The following DHX29 variants were observed in gnomAD, a reference collection of about 807,000 sequenced individuals.
DHX29 encodes the protein DExH-box helicase 29.
A neutral mutation model predicts 167.9 loss-of-function variants in DHX29; 79 were observed. The observed-to-expected ratio is 0.47, with a 90% CI of 0.39 to 0.57. The LOEUF is 0.57. Among genes scored for constraint, DHX29 ranks in the 20% least tolerant of loss-of-function variants. DHX29 has a pLI of 0.00. For missense variants in DHX29, 1,347 were observed against 1,593.4 expected (o/e 0.85, Z 2.63); for synonymous variants, 530 against 546.0 (o/e 0.97, Z 0.41).
Position 55,295,405 on chromosome 5 carries a change from T to A in DHX29, c.625A>T (p.Thr209Ser). Reference sequence around the variant, plus strand: ...TTACTCTTAGGGTCCTCTTCATATGTTTTTGTTTTAGGTTGCAATGGAGGT... The same window carrying A: ...TTACTCTTAGGGTCCTCTTCATATGATTTTGTTTTAGGTTGCAATGGAGGT... ...ISPPLQPKTK[T>S]YEEDPKSKPK... The change falls in exon 5 of 27, where the codon ACA (threonine) becomes TCA (serine). Residue 209 changes from threonine to serine, a missense_variant. Around this residue, in one of 3 missense-constraint regions of DHX29, gnomAD observed 405 missense variants for 416.8 expected, o/e 0.97. Coordinates refer to ENST00000251636, the MANE Select transcript of DHX29 (RefSeq NM_019030.4). The A allele has an allele frequency of 6.2e-7, 1 of 1,613,084 alleles. No homozygotes were observed. Among genetic ancestry groups the A allele is most frequent in the Non-Finnish European group, 8.5e-7 (1 of 1,179,102 alleles).
chr5:55,276,590 G>A (rs1747128800), intron 13 of DHX29, among the ~76,000 whole-genome samples, 184 bp from the exon 14 acceptor site: 1 of 152,126 alleles, frequency 6.6e-6, no homozygotes, highest in Admixed American at 6.6e-5. Flanking sequence ...TGCCTCTAAA[G>A]TCTCAGGACA....
chr5:55,304,309 CT>C (rs397882409), intron 1 of DHX29, among the ~76,000 whole-genome samples: 5,329 of 112,588 alleles, frequency 0.047, 88 homozygotes, highest in African/African-American at 0.11. Context: ...TCAAATGTCA[CT>C]TTTTTTTTTT....
intron 1 of DHX29, among the ~76,000 whole-genome samples, chr5:55,301,632 G>T (rs1395470845): frequency 7.0e-6 from 1 of 143,170 alleles, no homozygotes; most frequent in Non-Finnish European, 1.5e-5. Flanking sequence ...AGAATCGCTT[G>T]AACTCAGAAG....
At position 55,297,389 on chromosome 5, in the gene DHX29, T is replaced by G; in HGVS notation, c.271A>C (p.Asn91His). The stretch of plus-strand genomic sequence containing the variant: ...ATAATTCTTTGCTCTAGTTTGTTAT[T>G]AATTACCACCTGTTGAGGCCAAAAA... Reference protein sequence around the residue: ...LDKSILKVVINNKLEQRIIGV... With the variant: ...LDKSILKVVIHNKLEQRIIGV... Residue 91 changes from asparagine to histidine, a missense_variant, in exon 3 of 27, where the codon AAT (asparagine) becomes CAT (histidine). Physicochemically the swap from Asn to His is moderately conservative, Grantham distance 68. Around this residue, in one of 3 missense-constraint regions of DHX29, gnomAD observed 405 missense variants for 416.8 expected, o/e 0.97. Transcript: ENST00000251636. 1 of 1,404,710 alleles carries G rather than the reference T, an allele frequency of 7.1e-7. No individual in the cohort carries two copies. Among genetic ancestry groups the G allele is most frequent in the Non-Finnish European group, 1.0e-6 (1 of 994,102 alleles). The allele number at this position is 1,404,710 out of a possible 1,614,324, so 87.0% of individuals were successfully genotyped here.
At position 55,274,209 on chromosome 5, in the gene DHX29, C is replaced by G. The variant is rs149174033; in HGVS notation, c.2690+405G>C. On this transcript the variant is annotated intron_variant, in intron 16 of 26. Transcript: ENST00000251636. ...AAGAGTTTGAGGCCAGCCTGGGCAA[C>G]AGGGGGAGACCTTGTCTCTATGAAA... Among the ~76,000 whole-genome samples the G allele has an allele frequency of 1.4e-3, 211 of 151,706 alleles. 2 individuals carry two copies. The Middle Eastern group carries it at 0.024, about 17-fold the overall frequency.
Position 55,262,782 on chromosome 5 carries a change from C to A in DHX29, c.3676G>T (p.Asp1226Tyr). Residue 1226 changes from aspartate to tyrosine, a missense_variant, in exon 24 of 27, where the codon GAC (aspartate) becomes TAC (tyrosine). Coordinates refer to ENST00000251636, the MANE Select transcript of DHX29 (RefSeq NM_019030.4). Reference sequence around the variant, plus strand: ...GTATAGATTATCTTCCCCACATTGTCATACAGTCCAGCCACCAGTACAGCT... The same window carrying A: ...GTATAGATTATCTTCCCCACATTGTAATACAGTCCAGCCACCAGTACAGCT... Reference protein sequence around the residue: ...LKAVLVAGLYDNVGKIIYTKS... With the variant: ...LKAVLVAGLYYNVGKIIYTKS... 1 of 1,614,078 alleles carries A rather than the reference C, an allele frequency of 6.2e-7. No homozygotes were observed. Among genetic ancestry groups the A allele is most frequent in the Non-Finnish European group, 8.5e-7 (1 of 1,179,994 alleles).
In DHX29 at chr5:55,273,307, G is replaced by C. The variant is rs763673603; in HGVS notation, c.2761C>G (p.Pro921Ala). Residue 921 changes from proline (P) to alanine (A), a missense_variant, in exon 17 of 27, where the codon CCA (proline) becomes GCA (alanine). By Grantham distance (27) the Pro-to-Ala change is conservative (BLOSUM62 -1). This residue lies in a region of DHX29 where 882 missense variants were observed against 1,082.4 expected (regional missense o/e 0.81). Coordinates refer to ENST00000251636, the MANE Select transcript of DHX29 (RefSeq NM_019030.4). ...CTAAATTTTACCTTCCTGACTCCTGGAGGGGGAAGTGTGAATGCTGCAGCT... is the reference window on the plus strand; with the variant it reads ...CTAAATTTTACCTTCCTGACTCCTGCAGGGGGAAGTGTGAATGCTGCAGCT... The part of the protein sequence containing the change: ...DQAAAFTLPP[P>A]GVRKIVLATN... 6.3e-7 allele frequency: 1 copy of C among 1,597,504 alleles called. No homozygotes were observed. Among genetic ancestry groups the C allele is most frequent in the African/African-American group, 1.3e-5 (1 of 74,688 alleles).
chr5:55,269,746 G>A (rs1450936263), intron 20 of DHX29, 109 bp from the exon 21 acceptor site: 1 of 850,400 alleles, frequency 1.2e-6, no homozygotes, highest in African/African-American at 1.7e-5. Flanking sequence ...GAGCAAAGAG[G>A]GTAAAATGTG....
At chr5:55,281,062 TACAC>T (rs144186039) in intron 12 of DHX29, among the ~76,000 whole-genome samples, 12 of 142,422 alleles carry the variant, frequency 8.4e-5, no homozygotes, top group African/African-American at 1.1e-4. Flanking sequence ...TATATGTATA[TACAC>T]ACACACACAC....
intron 16 of DHX29, among the ~76,000 whole-genome samples, chr5:55,273,628 T>C (rs1217974559): frequency 2.0e-5 from 3 of 152,180 alleles, no homozygotes; most frequent in Non-Finnish European, 4.4e-5. Flanking sequence ...GTTTATATGG[T>C]TTACTACAGT....
Position 55,291,789 on chromosome 5 carries a change from T to C in DHX29, c.781-1445A>G, listed in dbSNP as rs113172156. Among the ~76,000 whole-genome samples, 362 of 152,352 alleles carry C rather than the reference T, an allele frequency of 2.4e-3. 2 individuals are homozygous for C. In the Middle Eastern group the frequency reaches 0.024, roughly 10 times the overall value. ...CATATGGTATCTGTCTTTTTGTGAT[T>C]GGCATATTTCACTTAGCATAATGTC... On this transcript the variant is annotated intron_variant, in intron 6 of 26. Coordinates refer to ENST00000251636, the MANE Select transcript of DHX29 (RefSeq NM_019030.4).
chr5:55,259,465 CTTTTT>C (rs993839191), intron 26 of DHX29, among the ~76,000 whole-genome samples: 2 of 151,536 alleles, frequency 1.3e-5, no homozygotes, highest in Non-Finnish European at 2.9e-5. Flanking sequence ...TTCTTTTTTT[CTTTTT>C]TGAGATGGAG....
At chr5:55,298,535 T>G (rs1407412883) in intron 2 of DHX29, 56 bp downstream of exon 2, 1 of 1,074,086 alleles carries the variant, frequency 9.3e-7, no homozygotes, top group South Asian at 1.3e-5. Flanking sequence ...ACATCTTTTT[T>G]GGGGGAAAAA....
chr5:55,261,553 T>A, intron 24 of DHX29, 54 bp from the exon 25 acceptor site: 4 of 1,104,326 alleles, frequency 3.6e-6, no homozygotes, highest in Non-Finnish European at 5.3e-6. Context: ...TAGAAGGAGG[T>A]CATTTATCTT....
intron 14 of DHX29, among the ~76,000 whole-genome samples, chr5:55,275,253 T>TAA (rs1747050457): frequency 1.3e-5 from 2 of 152,176 alleles, no homozygotes; most frequent in Non-Finnish European, 2.9e-5. Context: ...CCTTTTTATC[T>TAA]TGGCATATAC....
chr5:55,293,799 T>C (rs911703017), intron 6 of DHX29, among the ~76,000 whole-genome samples: 1 of 152,188 alleles, frequency 6.6e-6, no homozygotes, highest in Non-Finnish European at 1.5e-5. Flanking sequence ...TTAAAATATT[T>C]GATGATTATC....
chr5:55,266,636 CTTT>C (rs1746590975), intron 23 of DHX29, among the ~76,000 whole-genome samples: 1 of 144,980 alleles, frequency 6.9e-6, no homozygotes, highest in Non-Finnish European at 1.5e-5. Context: ...TCTTTTCTTT[CTTT>C]TTTAAAAGAG....
At chr5:55,273,207 A>T (rs1266723315) in intron 17 of DHX29, 86 bp downstream of exon 17, 2 of 1,383,934 alleles carry the variant, frequency 1.4e-6, no homozygotes, top group Non-Finnish European at 1.9e-6. Flanking sequence ...TAATGTTAAC[A>T]ACTGTCTTTG....
At chr5:55,295,626 C>T (rs770494155) in intron 4 of DHX29, 102 bp from the exon 5 acceptor site, 21 of 1,195,422 alleles carry the variant, frequency 1.8e-5, no homozygotes, top group Non-Finnish European at 2.4e-5. Flanking sequence ...ACTTAGAGCA[C>T]CTAATTTTCT....
Sources: allele counts gnomAD v4.1 joint callset (sites outside exome capture counted in the v4.1 genomes callset), GRCh38; gene constraint gnomAD v4.1.1; regional missense constraint gnomAD v4.1.1; transcripts MANE v1.5; gene names NCBI Gene and HGNC (gene_info 2026-07-23, HGNC 2026-07-21).